The following TP63 variants were observed in gnomAD, a reference collection of about 807,000 sequenced individuals.
TP63 encodes tumor protein p63.
Under a neutral mutation model 82.8 loss-of-function variants are expected in TP63, and 17 were observed. The ratio of observed to expected loss-of-function variants is 0.21; its 90% CI spans 0.14 to 0.31. The LOEUF is 0.31. Ranked by LOEUF, TP63 falls within the 10% of genes least tolerant of loss-of-function variation. The pLI, the probability that TP63 is intolerant of heterozygous loss-of-function variation, is 1.00. For missense variants in TP63, 648 were observed against 895.3 expected (o/e 0.72, Z 3.52); for synonymous variants, 330 against 321.7 (o/e 1.03, Z -0.28).
At chr3:189,636,781 G>A (rs941907459) in intron 1 of TP63, among the ~76,000 whole-genome samples, 7 of 152,046 alleles carry the variant, frequency 4.6e-5, no homozygotes, top group Non-Finnish European at 5.9e-5. Flanking sequence ...GTGGTAGTAC[G>A]TTAAATCAAG....
Position 189,700,096 on chromosome 3 carries a change from T to G in TP63, c.63-37644T>G, listed in dbSNP as rs557001718. ...GCTTAATCTTCATGGACATTTGAAG[T>G]GTCTGGAGTGAGCTTTGATAAAAGG... On this transcript the variant is annotated intron_variant, in intron 1 of 13. Coordinates refer to ENST00000264731, the MANE Select transcript of TP63 (RefSeq NM_003722.5). Among the ~76,000 whole-genome samples, 6 of 152,256 alleles carry G rather than the reference T, an allele frequency of 3.9e-5. No homozygotes were observed. In the East Asian group the frequency reaches 1.2e-3, roughly 29 times the overall value.
At chr3:189,887,654 G>A (rs1337454042) in intron 11 of TP63, among the ~76,000 whole-genome samples, 1 of 152,062 alleles carries the variant, frequency 6.6e-6, no homozygotes, top group African/African-American at 2.4e-5. Flanking sequence ...ACACCCTCGG[G>A]GATACAGAAG....
At chr3:189,880,539 T>C (rs1719803018) in intron 10 of TP63, 1 of 990,776 alleles carries the variant, frequency 1.0e-6, no homozygotes, top group Non-Finnish European at 1.2e-6. Context: ...TCTTCTGTTG[T>C]TTTTCTAAAA....
chr3:189,673,875 A>G (rs1232456823), intron 1 of TP63, among the ~76,000 whole-genome samples: 1 of 152,182 alleles, frequency 6.6e-6, no homozygotes, highest in Non-Finnish European at 1.5e-5. Flanking sequence ...AGTAATTGGC[A>G]TAAACCCTGA....
At chr3:189,777,760 T>G (rs1274680019) in intron 3 of TP63, among the ~76,000 whole-genome samples, 2 of 151,244 alleles carry the variant, frequency 1.3e-5, no homozygotes, top group East Asian at 1.9e-4. Context: ...AACATATTTT[T>G]TTTTTTTCTT....
At chr3:189,894,127 G>T in intron 13 of TP63, 79 bp from the exon 14 acceptor site, 1 of 1,531,514 alleles carries the variant, frequency 6.5e-7, no homozygotes, top group Non-Finnish European at 9.0e-7. Context: ...GAGCATCAGG[G>T]AATGATAGGA....
At chr3:189,780,972 A>G (rs1261528635) in intron 3 of TP63, among the ~76,000 whole-genome samples, 1 of 152,198 alleles carries the variant, frequency 6.6e-6, no homozygotes, top group Non-Finnish European at 1.5e-5. Context: ...GCCAAAACAG[A>G]CATTATCAAA....
chr3:189,765,724 C>G (rs1434463275), intron 3 of TP63, among the ~76,000 whole-genome samples: 1 of 151,516 alleles, frequency 6.6e-6, no homozygotes, highest in East Asian at 1.9e-4. Context: ...TGAGCCACCG[C>G]GCCCGGCCTG....
chr3:189,706,661 C>T (rs1560124122), intron 1 of TP63, among the ~76,000 whole-genome samples: 1 of 152,180 alleles, frequency 6.6e-6, no homozygotes. Flanking sequence ...AGCAGGGAAA[C>T]TTTTTTTCCA....
chr3:189,669,207 T>C (rs1245115709), intron 1 of TP63, among the ~76,000 whole-genome samples: 1 of 151,376 alleles, frequency 6.6e-6, no homozygotes, highest in Non-Finnish European at 1.5e-5. Context: ...TGCTAGTATA[T>C]AGCAAAAGAA....
At chr3:189,808,113 T>C (rs921048653) in intron 3 of TP63, among the ~76,000 whole-genome samples, 159 bp from the exon 4 acceptor site, 1 of 152,216 alleles carries the variant, frequency 6.6e-6, no homozygotes, top group African/African-American at 2.4e-5. Flanking sequence ...TTCTCTTGTT[T>C]TCTCTGTTTA....
At chr3:189,666,647 C>T (rs748025974) in intron 1 of TP63, among the ~76,000 whole-genome samples, 1 of 152,032 alleles carries the variant, frequency 6.6e-6, no homozygotes, top group African/African-American at 2.4e-5. Context: ...ATAAATAATA[C>T]AACATTGGTT....
intron 3 of TP63, among the ~76,000 whole-genome samples, chr3:189,771,333 A>ATATATTATATATTTATATATAC (rs1491284526): frequency 1.6e-5 from 2 of 123,550 alleles, no homozygotes; most frequent in African/African-American, 3.4e-5. Flanking sequence ...TTTATATATA[A>ATATATTATATATTTATATATAC]TATATATTTA....
chr3:189,621,021 A>G, the TP63 span, among the ~76,000 whole-genome samples: 1 of 152,336 alleles, frequency 6.6e-6, no homozygotes, highest in Admixed American at 6.5e-5. Context: ...TTTATAGGGT[A>G]GAACCATCTA....
intron 1 of TP63, among the ~76,000 whole-genome samples, chr3:189,708,683 C>T (rs1341575244): frequency 6.6e-6 from 1 of 152,120 alleles, no homozygotes; most frequent in Admixed American, 6.5e-5. Flanking sequence ...CCCCTAAACC[C>T]ACCTGGAACT....
At chr3:189,813,403 C>G (rs931495378) in intron 4 of TP63, among the ~76,000 whole-genome samples, 6 of 152,024 alleles carry the variant, frequency 3.9e-5, no homozygotes, top group African/African-American at 1.5e-4. Flanking sequence ...ATTGAGAGTC[C>G]TGGTAAGGAA....
intron 3 of TP63, among the ~76,000 whole-genome samples, chr3:189,802,730 G>A (rs972284165): frequency 6.6e-6 from 1 of 152,136 alleles, no homozygotes. Context: ...ACTGAAGCGT[G>A]TTCAATCCCC....
chr3:189,725,104 GA>G (rs914580820), intron 1 of TP63, among the ~76,000 whole-genome samples: 17 of 151,944 alleles, frequency 1.1e-4, no homozygotes, highest in African/African-American at 3.9e-4. Context: ...ACCTCATTGT[GA>G]AAAAAAGTCT....
In TP63 at chr3:189,692,029, C is replaced by T. The variant is rs1040899477; in HGVS notation, c.63-45711C>T. Among the ~76,000 whole-genome samples the T allele has an allele frequency of 1.1e-4, 17 of 152,202 alleles. No homozygotes were observed. In the Middle Eastern group the frequency reaches 0.01, roughly 91 times the overall value. On this transcript the variant is annotated intron_variant, in intron 1 of 13. Transcript: ENST00000264731. Reference sequence around the variant, plus strand: ...ATTCAATGCTTTTCTTTTATTGCTACGGGTTGTCATCTTCGGAAGCACCTA... The same window carrying T: ...ATTCAATGCTTTTCTTTTATTGCTATGGGTTGTCATCTTCGGAAGCACCTA...
Sources: allele counts gnomAD v4.1 joint callset (sites outside exome capture counted in the v4.1 genomes callset), GRCh38; gene constraint gnomAD v4.1.1; transcripts MANE v1.5; gene names NCBI Gene and HGNC (gene_info 2026-07-23, HGNC 2026-07-21).